The following CNKSR3 variants were observed in gnomAD, a reference collection of about 807,000 sequenced individuals.
CNKSR3 encodes the protein connector enhancer of kinase suppressor of ras 3.
In CNKSR3, 36 loss-of-function variants were observed where a neutral mutation model predicts 67.7. That is an observed-to-expected ratio of 0.53 (90% CI 0.41 to 0.70). The LOEUF (loss-of-function observed/expected upper bound fraction) is 0.70. CNKSR3 is among the 30% of genes least tolerant of loss of function. The pLI, the probability that CNKSR3 is intolerant of heterozygous loss-of-function variation, is 0.00. For synonymous variants in CNKSR3, 281 were observed against 271.4 expected (o/e 1.04, Z -0.35); for missense variants, 630 against 695.2 (o/e 0.91, Z 1.05).
At chr6:154,442,010 T>C in intron 3 of CNKSR3, 78 bp downstream of exon 3, 1 of 1,344,144 alleles carries the variant, frequency 7.4e-7, no homozygotes, top group Non-Finnish European at 1.0e-6. Context: ...TTCCTTTTCC[T>C]AAGACAAAGT....
intron 1 of CNKSR3, among the ~76,000 whole-genome samples, chr6:154,509,685 T>C (rs1452765142): frequency 6.6e-6 from 1 of 152,112 alleles, no homozygotes; most frequent in Non-Finnish European, 1.5e-5. Flanking sequence ...CAAAGGCACC[T>C]TGTGCCTCTG....
chr6:154,460,692 C>G (rs1786060568), intron 1 of CNKSR3, among the ~76,000 whole-genome samples: 1 of 152,160 alleles, frequency 6.6e-6, no homozygotes, highest in African/African-American at 2.4e-5. Context: ...TCCTCTAGTG[C>G]AGCCTACTTT....
chr6:154,482,222 C>T (rs1333646661), intron 1 of CNKSR3, among the ~76,000 whole-genome samples: 3 of 152,216 alleles, frequency 2.0e-5, no homozygotes, highest in Admixed American at 1.3e-4. Context: ...CCACCTCGCA[C>T]TTTAATATAA....
chr6:154,424,732 A>G (rs1785220707), intron 7 of CNKSR3, among the ~76,000 whole-genome samples: 2 of 138,838 alleles, frequency 1.4e-5, no homozygotes, highest in South Asian at 4.3e-4. Flanking sequence ...AGACCAGCCC[A>G]TGTTCATCTC....
chr6:154,400,243 T>A lies in CNKSR3; in HGVS notation c.*6111A>T, dbSNP rs1301097330. The A allele has an allele frequency of 6.6e-6, 1 of 152,194 alleles. No individual in the cohort carries two copies. Among genetic ancestry groups the A allele is most frequent in the African/African-American group, 2.4e-5 (1 of 41,448 alleles). The allele number at this position is 152,194 out of a possible 1,614,324, so 9.4% of individuals were successfully genotyped here. ...CTTCCTCAGAGAGCAGTGACTCCAATGGTCAGTGACATGCAGGAGGAAACG... is the reference window on the plus strand; with the variant it reads ...CTTCCTCAGAGAGCAGTGACTCCAAAGGTCAGTGACATGCAGGAGGAAACG... On this transcript the variant is annotated 3_prime_UTR_variant, in exon 13 of 13. Coordinates refer to ENST00000607772, the MANE Select transcript of CNKSR3 (RefSeq NM_173515.4).
intron 4 of CNKSR3, among the ~76,000 whole-genome samples, chr6:154,436,965 G>T (rs1292323221): frequency 2.6e-5 from 4 of 152,076 alleles, no homozygotes; most frequent in Non-Finnish European, 5.9e-5. Flanking sequence ...CAAATTAGAG[G>T]ACTCATAAAT....
Position 154,388,000 on chromosome 6 carries a change from A to G in CNKSR3, c.*18354T>C, listed in dbSNP as rs898351460. On this transcript the variant is annotated 3_prime_UTR_variant, in exon 13 of 13. Transcript: ENST00000607772. ...TAAAATCCAATTGCTTTTCTGTTCT[A>G]TTTTCTTTCTTTTTTTTTTTCAGTA... 5 of 136,494 alleles carry G rather than the reference A, an allele frequency of 3.7e-5. No homozygotes were observed. The highest frequency in any genetic ancestry group is 7.9e-5 in the Non-Finnish European group (5 of 63,330). 8.5% of individuals were successfully genotyped at this position (136,494 alleles called of 1,614,324 possible).
chr6:154,485,603 C>T (rs770825302), intron 1 of CNKSR3, among the ~76,000 whole-genome samples: 15 of 152,232 alleles, frequency 9.9e-5, no homozygotes, highest in Non-Finnish European at 1.6e-4. Flanking sequence ...CAAATCTGTT[C>T]TTAATACGAA....
chr6:154,414,295 A>G lies in CNKSR3; in HGVS notation c.1070+4T>C, dbSNP rs1182787711. 2 of 1,586,712 alleles carry G rather than the reference A, an allele frequency of 1.3e-6. No homozygotes were observed. Among genetic ancestry groups the G allele is most frequent in the East Asian group, 2.2e-5 (1 of 44,774 alleles). Reference sequence around the variant, plus strand: ...GCATACCATGACAATGGACAGCAACATACCGGGGAGAGTAGGGAACAGCAG... The same window carrying G: ...GCATACCATGACAATGGACAGCAACGTACCGGGGAGAGTAGGGAACAGCAG... On this transcript the variant is annotated splice_donor_region_variant and intron_variant, in intron 10 of 12. Transcript: ENST00000607772.
At chr6:154,456,505 CT>C (rs1785958790) in intron 1 of CNKSR3, among the ~76,000 whole-genome samples, 1 of 148,610 alleles carries the variant, frequency 6.7e-6, no homozygotes, top group Admixed American at 6.7e-5. Context: ...CGAGACGAGC[CT>C]GGCCAACATG....
Position 154,395,350 on chromosome 6 carries a change from T to A in CNKSR3, c.*11004A>T, listed in dbSNP as rs1014977471. Reference sequence around the variant, plus strand: ...GCCCTGGTAACAGTCATCATCATCATCCATTGCTGTTTACAAAGGAGACTC... The same window carrying A: ...GCCCTGGTAACAGTCATCATCATCAACCATTGCTGTTTACAAAGGAGACTC... On this transcript the variant is annotated 3_prime_UTR_variant, in exon 13 of 13. Transcript: ENST00000607772. 2.0e-5 allele frequency: 3 copies of A among 152,196 alleles called. No individual in the cohort carries two copies. The highest frequency in any genetic ancestry group is 1.9e-4 in the East Asian group (1 of 5,196). The allele number at this position is 152,196 out of a possible 1,614,324, so 9.4% of individuals were successfully genotyped here.
chr6:154,419,682 T>G (rs757663362), intron 9 of CNKSR3, among the ~76,000 whole-genome samples: 1 of 152,124 alleles, frequency 6.6e-6, no homozygotes, highest in Non-Finnish European at 1.5e-5. Flanking sequence ...TGCACCCTCA[T>G]GTTCACTGCA....
intron 6 of CNKSR3, 49 bp downstream of exon 6, chr6:154,430,420 TAAA>T: frequency 6.6e-7 from 1 of 1,520,016 alleles, no homozygotes; most frequent in Non-Finnish European, 8.8e-7. Flanking sequence ...AAAAATTTAG[TAAA>T]TGATGATGTA....
chr6:154,476,404 C>T (rs1786451164), intron 1 of CNKSR3, among the ~76,000 whole-genome samples: 1 of 150,658 alleles, frequency 6.6e-6, no homozygotes, highest in South Asian at 2.1e-4. Context: ...TTGCGGTGAG[C>T]CGAGATCGTG....
intron 1 of CNKSR3, among the ~76,000 whole-genome samples, chr6:154,452,691 A>G (rs1785863617): frequency 6.6e-6 from 1 of 152,238 alleles, no homozygotes; most frequent in East Asian, 1.9e-4. Flanking sequence ...GTATTTGGAG[A>G]GAGAATCCCT....
intron 1 of CNKSR3, among the ~76,000 whole-genome samples, chr6:154,462,003 A>G (rs1440957622): frequency 6.6e-6 from 1 of 152,254 alleles, no homozygotes; most frequent in African/African-American, 2.4e-5. Flanking sequence ...GGCTGGGGAC[A>G]GCCGCCTGGG....
At chr6:154,426,651 G>A (rs144506202) in intron 7 of CNKSR3, among the ~76,000 whole-genome samples, 290 of 152,224 alleles carry the variant, frequency 1.9e-3, no homozygotes, top group African/African-American at 6.5e-3. Context: ...CACCGCACCC[G>A]GCCCGTCTTT....
intron 5 of CNKSR3, among the ~76,000 whole-genome samples, chr6:154,431,110 A>G (rs903854586): frequency 6.6e-6 from 1 of 151,978 alleles, no homozygotes; most frequent in African/African-American, 2.4e-5. Context: ...AGTTTCCTCT[A>G]TTATTAACAT....
At chr6:154,445,555 T>C (rs938126106) in intron 2 of CNKSR3, among the ~76,000 whole-genome samples, 5 of 152,260 alleles carry the variant, frequency 3.3e-5, no homozygotes, top group Non-Finnish European at 7.3e-5. Context: ...CAGCTTTCAA[T>C]AATCAATGTC....
Sources: gnomAD v4.1 joint callset for allele counts (sites outside exome capture counted in the v4.1 genomes callset) on GRCh38, gnomAD v4.1.1 for gene constraint, MANE v1.5 for transcripts, NCBI Gene and HGNC (gene_info 2026-07-23, HGNC 2026-07-21) for gene names.